NOL4: variants seen among roughly 807,000 people sequenced by gnomAD.
NOL4 encodes the protein cancer/testis antigen 125.
NOL4 carries 17 observed loss-of-function variants against 75.9 expected under a neutral mutation model. That is an observed-to-expected ratio of 0.22 (90% CI 0.15 to 0.34). The LOEUF is 0.34. Ranked by LOEUF, NOL4 falls within the 10% of genes least tolerant of loss-of-function variation. NOL4 has a pLI of 1.00. For synonymous variants in NOL4, 292 were observed against 289.9 expected, an observed-to-expected ratio of 1.01 and a Z score of -0.07; for missense variants, 614 against 793.5, an observed-to-expected ratio of 0.77 and a Z score of 2.72.
intron 1 of NOL4, among the ~76,000 whole-genome samples, chr18:34,214,447 C>T (rs941073533): frequency 2.6e-5 from 4 of 151,978 alleles, no homozygotes; most frequent in Admixed American, 2.6e-4. Flanking sequence ...AAAGCAAGGG[C>T]CTTAGAATCC....
chr18:33,901,477 T>C (rs1568034672), intron 9 of NOL4, among the ~76,000 whole-genome samples: 1 of 152,124 alleles, frequency 6.6e-6, no homozygotes, highest in South Asian at 2.1e-4. Flanking sequence ...ATTGAGTACA[T>C]GTAAATAGAA....
intron 5 of NOL4, among the ~76,000 whole-genome samples, chr18:34,024,194 A>AAAAAATATATATATATATATATAT: frequency 9.9e-5 from 7 of 70,696 alleles, no homozygotes; most frequent in Admixed American, 2.7e-4. Context: ...AAAAAAAAAA[A>AAAAAATATATATATATATATATAT]ATATATATAT....
intron 5 of NOL4, among the ~76,000 whole-genome samples, chr18:34,046,791 G>C (rs2076400449): frequency 6.6e-6 from 1 of 150,958 alleles, no homozygotes; most frequent in South Asian, 2.1e-4. Flanking sequence ...TCATTGGTTT[G>C]TCTCCTTGCT....
rs201036177 is a variant in NOL4 at position 33,943,020 on chromosome 18, A to G, written c.1542+45T>C. ...ACATAAATCAAATTAAATGAACTAC[A>G]TTTGCTATAGCTGGTGTTCACCAGA... On this transcript the variant is annotated intron_variant, in intron 9 of 10. Coordinates refer to ENST00000261592, the MANE Select transcript of NOL4 (RefSeq NM_003787.5). 3,252 of 1,247,634 alleles carry G rather than the reference A, an allele frequency of 2.6e-3. 8 individuals carry two copies. The highest frequency in any genetic ancestry group is 5.1e-3 in the Middle Eastern group (27 of 5,318). 77.3% of individuals were successfully genotyped at this position (1,247,634 alleles called of 1,614,324 possible). A position where few individuals can be genotyped will look rare whatever the true frequency, so the allele number is the denominator to read the frequency against.
In NOL4 at chr18:34,104,832, T is replaced by C. The variant is rs577307349; in HGVS notation, c.526+217A>G. Among the ~76,000 whole-genome samples, 3 of 151,926 alleles carry C rather than the reference T, an allele frequency of 2.0e-5. No homozygotes were observed. The East Asian group carries it at 5.8e-4, about 29-fold the overall frequency. ...ATTAAAACATGATTACAGGGAAAAATGTTATTTGCCACAGCTGAAACTGTC... is the reference window on the plus strand; with the variant it reads ...ATTAAAACATGATTACAGGGAAAAACGTTATTTGCCACAGCTGAAACTGTC... On this transcript the variant is annotated intron_variant, in intron 3 of 10. Transcript: ENST00000261592.
At chr18:34,133,909 G>C (rs2080774155) in intron 1 of NOL4, among the ~76,000 whole-genome samples, 1 of 152,100 alleles carries the variant, frequency 6.6e-6, no homozygotes, top group Non-Finnish European at 1.5e-5. Flanking sequence ...TGTAGTCCCA[G>C]CTACTCAGGA....
chr18:33,946,763 A>C (rs780706504), intron 8 of NOL4, among the ~76,000 whole-genome samples: 1 of 151,750 alleles, frequency 6.6e-6, no homozygotes, highest in Admixed American at 6.6e-5. Flanking sequence ...TATGATCTTC[A>C]TTAAAAGCAC....
At chr18:34,031,613 T>C (rs2075644088) in intron 5 of NOL4, among the ~76,000 whole-genome samples, 1 of 152,082 alleles carries the variant, frequency 6.6e-6, no homozygotes, top group African/African-American at 2.4e-5. Context: ...AAATAGTGAG[T>C]AGATATTTTA....
At chr18:34,036,796 C>T (rs896645397) in intron 5 of NOL4, among the ~76,000 whole-genome samples, 1 of 152,040 alleles carries the variant, frequency 6.6e-6, no homozygotes, top group Non-Finnish European at 1.5e-5. Flanking sequence ...TGGTGGCAAA[C>T]ACCTGTAATC....
At chr18:34,026,280 C>G (rs1361883903) in intron 5 of NOL4, among the ~76,000 whole-genome samples, 1 of 152,154 alleles carries the variant, frequency 6.6e-6, no homozygotes, top group Admixed American at 6.6e-5. Context: ...CCTCCTCCCT[C>G]CCCATGCACA....
At chr18:34,141,061 C>T (rs1481275788) in intron 1 of NOL4, among the ~76,000 whole-genome samples, 1 of 152,134 alleles carries the variant, frequency 6.6e-6, no homozygotes, top group Non-Finnish European at 1.5e-5. Context: ...AGAGCCAAAT[C>T]ATGAATGAAC....
rs1038054880 is a variant in NOL4 at position 34,044,802 on chromosome 18, C to T, written c.773-25201G>A. Among the ~76,000 whole-genome samples the T allele has an allele frequency of 8.5e-5, 13 of 152,270 alleles. No individual in the cohort carries two copies. The East Asian group carries it at 2.3e-3, about 27-fold the overall frequency. ...TTACCGCCACTACTCTCTTCAAAAACTCCCTCTTTCTATTGACTTTCCTAT... is the reference window on the plus strand; with the variant it reads ...TTACCGCCACTACTCTCTTCAAAAATTCCCTCTTTCTATTGACTTTCCTAT... On this transcript the variant is annotated intron_variant, in intron 5 of 10. Transcript: ENST00000261592.
At chr18:34,055,397 A>AT (rs1236628764) in intron 5 of NOL4, among the ~76,000 whole-genome samples, 4 of 151,938 alleles carry the variant, frequency 2.6e-5, no homozygotes, top group Admixed American at 1.3e-4. Context: ...GGTTGACAGC[A>AT]TTTTTTTCTC....
chr18:34,209,150 C>T (rs2036329774), intron 1 of NOL4, among the ~76,000 whole-genome samples: 2 of 140,894 alleles, frequency 1.4e-5, no homozygotes, highest in Non-Finnish European at 3.0e-5. Context: ...TCTGAGATCA[C>T]ACCACTGCAC....
intron 9 of NOL4, among the ~76,000 whole-genome samples, chr18:33,939,366 G>T (rs1441382865): frequency 6.6e-6 from 1 of 152,034 alleles, no homozygotes; most frequent in Non-Finnish European, 1.5e-5. Context: ...ATTACTTTGG[G>T]CAGTATGGCC....
chr18:34,048,101 T>C (rs2076462919), intron 5 of NOL4, among the ~76,000 whole-genome samples: 1 of 152,174 alleles, frequency 6.6e-6, no homozygotes, highest in African/African-American at 2.4e-5. Context: ...CATGCAGATT[T>C]GTCCATGAAT....
chr18:34,040,436 G>C (rs965821768), intron 5 of NOL4, among the ~76,000 whole-genome samples: 1 of 151,934 alleles, frequency 6.6e-6, no homozygotes, highest in Non-Finnish European at 1.5e-5. Flanking sequence ...ATTTTGAAGT[G>C]ATTGAAGCTA....
chr18:34,130,132 T>A (rs909683742), intron 1 of NOL4, 112 bp from the exon 2 acceptor site: 4 of 1,001,772 alleles, frequency 4.0e-6, no homozygotes, highest in Non-Finnish European at 4.0e-6. Flanking sequence ...AAATCATCTA[T>A]ATAGGAAACG....
At chr18:34,092,895 T>C (rs1019918153) in intron 5 of NOL4, among the ~76,000 whole-genome samples, 1 of 152,224 alleles carries the variant, frequency 6.6e-6, no homozygotes, top group African/African-American at 2.4e-5. Flanking sequence ...AAGAATAGGC[T>C]GATTCAGAAA....
Sources: gnomAD v4.1 joint callset for allele counts (sites outside exome capture counted in the v4.1 genomes callset) on GRCh38, gnomAD v4.1.1 for gene constraint, MANE v1.5 for transcripts, NCBI Gene and HGNC (gene_info 2026-07-23, HGNC 2026-07-21) for gene names.